Variants in TRPC4 observed in about 807,000 individuals in gnomAD.
TRPC4 encodes short transient receptor potential channel 4.
In TRPC4, 49 loss-of-function variants were observed where a neutral mutation model predicts 99.4. The ratio of observed to expected loss-of-function variants is 0.49; its 90% CI spans 0.39 to 0.63. The LOEUF is 0.63. Ranked by LOEUF, TRPC4 falls within the 20% of genes least tolerant of loss-of-function variation. The pLI is 0.00. For synonymous variants in TRPC4, 454 were observed against 425.9 expected, an observed-to-expected ratio of 1.07 and a Z score of -0.81; for missense variants, 898 against 1,152.9, an observed-to-expected ratio of 0.78 and a Z score of 3.20.
intron 7 of TRPC4, among the ~76,000 whole-genome samples, chr13:37,652,139 C>T (rs1952067419): frequency 6.6e-6 from 1 of 152,230 alleles, no homozygotes; most frequent in Non-Finnish European, 1.5e-5. Context: ...TATTAACCTC[C>T]TGAGGAAACT....
chr13:37,820,765 T>C (rs563784999), intron 1 of TRPC4, among the ~76,000 whole-genome samples: 1 of 152,106 alleles, frequency 6.6e-6, no homozygotes, highest in South Asian at 2.1e-4. Flanking sequence ...CTCAACAAAC[T>C]AGGCATTGAA....
At chr13:37,826,643 G>A (rs568416651) in intron 1 of TRPC4, among the ~76,000 whole-genome samples, 4,886 of 152,030 alleles carry the variant, frequency 0.032, 268 homozygotes, top group African/African-American at 0.11. Context: ...CAAGAGATCC[G>A]CTGTTAGTCT....
intron 1 of TRPC4, among the ~76,000 whole-genome samples, chr13:37,836,682 G>C (rs532491078): frequency 6.6e-6 from 1 of 152,274 alleles, no homozygotes; most frequent in South Asian, 2.1e-4. Flanking sequence ...AGTTTTAAAA[G>C]GAAAATGGAG....
chr13:37,786,089 T>G (rs996592165), intron 1 of TRPC4, among the ~76,000 whole-genome samples: 2 of 152,032 alleles, frequency 1.3e-5, no homozygotes, highest in African/African-American at 4.8e-5. Context: ...GCTGAGAAGT[T>G]AAGAATGAAA....
chr13:37,831,087 T>C (rs1389318234), intron 1 of TRPC4, among the ~76,000 whole-genome samples: 1 of 151,566 alleles, frequency 6.6e-6, no homozygotes, highest in African/African-American at 2.4e-5. Flanking sequence ...TCTTTTGCTG[T>C]ACAGAAGAAT....
chr13:37,806,869 A>T (rs1234001793), intron 1 of TRPC4, among the ~76,000 whole-genome samples: 5 of 151,992 alleles, frequency 3.3e-5, no homozygotes, highest in Admixed American at 3.3e-4. Context: ...ACTGCTCCAC[A>T]GTGGGCGCTG....
At chr13:37,647,214 GTGACATTTAC>G (rs1327824325) in intron 8 of TRPC4, among the ~76,000 whole-genome samples, 2 of 152,160 alleles carry the variant, frequency 1.3e-5, no homozygotes, top group African/African-American at 4.8e-5. Flanking sequence ...GAGCAGCAGG[GTGACATTTAC>G]TCAAAGGCTG....
chr13:37,662,876 T>C (rs1952492798), intron 6 of TRPC4, among the ~76,000 whole-genome samples: 1 of 152,210 alleles, frequency 6.6e-6, no homozygotes, highest in African/African-American at 2.4e-5. Flanking sequence ...CATCCAGCCA[T>C]AAGGGCACAG....
intron 2 of TRPC4, among the ~76,000 whole-genome samples, chr13:37,779,809 A>T (rs1956793296): frequency 6.6e-6 from 1 of 152,054 alleles, no homozygotes; most frequent in East Asian, 1.9e-4. Flanking sequence ...TATAGGCTTT[A>T]TCTCAGTTAA....
chr13:37,753,600 AGAGAG>A (rs1956009747), intron 2 of TRPC4, among the ~76,000 whole-genome samples: 6 of 140,836 alleles, frequency 4.3e-5, no homozygotes, highest in African/African-American at 1.5e-4. Flanking sequence ...AGAGAGAGAG[AGAGAG>A]AGAAAGAAAG....
chr13:37,668,756 A>G (rs1049326065), intron 5 of TRPC4, among the ~76,000 whole-genome samples: 1 of 152,202 alleles, frequency 6.6e-6, no homozygotes, highest in African/African-American at 2.4e-5. Context: ...AATATGAAAT[A>G]AAAATATTGG....
intron 1 of TRPC4, among the ~76,000 whole-genome samples, chr13:37,866,484 C>T (rs1238155111): frequency 7.2e-6 from 1 of 139,774 alleles, no homozygotes; most frequent in Admixed American, 7.2e-5. Context: ...TTCATGAAAC[C>T]ACAAGGTTTT....
chr13:37,782,888 GA>G (rs1956875915), intron 2 of TRPC4, 67 bp downstream of exon 2: 4 of 559,202 alleles, frequency 7.2e-6, no homozygotes, highest in Non-Finnish European at 6.8e-6. Context: ...AAAAAAAAAA[GA>G]AAGAAAAGAA....
chr13:37,692,387 G>C, intron 3 of TRPC4, 52 bp from the exon 4 acceptor site: 1 of 1,457,036 alleles, frequency 6.9e-7, no homozygotes, highest in Non-Finnish European at 9.3e-7. Context: ...ACATGGAGTG[G>C]CCTCAATTCA....
chr13:37,830,404 A>C (rs1160381774), intron 1 of TRPC4, among the ~76,000 whole-genome samples: 3 of 152,040 alleles, frequency 2.0e-5, no homozygotes, highest in Non-Finnish European at 2.9e-5. Context: ...ATATTATTTA[A>C]ATTCTTTTTA....
chr13:37,665,405 C>CA (rs1437789460), intron 5 of TRPC4, among the ~76,000 whole-genome samples: 1 of 152,092 alleles, frequency 6.6e-6, no homozygotes, highest in Non-Finnish European at 1.5e-5. Context: ...TTAAAATACA[C>CA]AAAAAATGAA....
intron 3 of TRPC4, among the ~76,000 whole-genome samples, chr13:37,726,868 T>C (rs576241440): frequency 1.2e-4 from 18 of 152,076 alleles, no homozygotes; most frequent in Non-Finnish European, 2.4e-4. Flanking sequence ...TATATATTAA[T>C]AAAAGGTTTA....
At chr13:37,778,391 G>C (rs1956761074) in intron 2 of TRPC4, among the ~76,000 whole-genome samples, 1 of 151,862 alleles carries the variant, frequency 6.6e-6, no homozygotes, top group South Asian at 2.1e-4. Context: ...CACAGTTACT[G>C]GCATGGTGAC....
In TRPC4 at chr13:37,651,355, G is replaced by C. The variant is rs1370849350; in HGVS notation, c.1989C>G (p.Pro663=). Residue 663 remains proline (P), a synonymous_variant, in exon 8 of 11, where the codon CCC becomes CCG. Transcript: ENST00000379705. ...ATTTGATCAGGTACCAGAGAGACTT[G>C]GGGCTCGGGATGACATTGAAGGGAG... ...LPTPFNVIPS[P]KSLWYLIKWI... is the part of the protein sequence containing the mutation. 1 of 1,613,940 alleles carries C rather than the reference G, an allele frequency of 6.2e-7. No homozygotes were observed. The highest frequency in any genetic ancestry group is 1.3e-5 in the African/African-American group (1 of 74,874).
Sources: allele counts gnomAD v4.1 joint callset (sites outside exome capture counted in the v4.1 genomes callset), GRCh38; gene constraint gnomAD v4.1.1; transcripts MANE v1.5; gene names NCBI Gene and HGNC (gene_info 2026-07-23, HGNC 2026-07-21).